The following RIMBP2 variants were observed in gnomAD, a reference collection of about 807,000 sequenced individuals.
RIMBP2 encodes the protein RIMS binding protein 2, also known as RIMS-binding protein 2.
In RIMBP2, 48 loss-of-function variants were observed where a neutral mutation model predicts 118.6. The ratio of observed to expected loss-of-function variants is 0.40; its 90% CI spans 0.32 to 0.51. The LOEUF (loss-of-function observed/expected upper bound fraction) is 0.51. RIMBP2 is among the 20% of genes least tolerant of loss of function. RIMBP2 has a pLI of 0.41. For synonymous variants in RIMBP2, 762 were observed against 742.9 expected, an observed-to-expected ratio of 1.03 and a Z score of -0.42; for missense variants, 1,551 against 1,768.3, an observed-to-expected ratio of 0.88 and a Z score of 2.20.
At chr12:130,408,993 C>T (rs1169704437) in intron 19 of RIMBP2, among the ~76,000 whole-genome samples, 2 of 149,476 alleles carry the variant, frequency 1.3e-5, no homozygotes. Context: ...GTGTCCTCTG[C>T]AGGACCTGCA....
chr12:130,416,526 G>T (rs2076109967), intron 17 of RIMBP2, among the ~76,000 whole-genome samples: 1 of 152,236 alleles, frequency 6.6e-6, no homozygotes, highest in South Asian at 2.1e-4. Context: ...GTCACATGCA[G>T]AAGATTGAAA....
intron 17 of RIMBP2, chr12:130,414,559 G>T: frequency 3.1e-6 from 1 of 317,708 alleles, no homozygotes; most frequent in Non-Finnish European, 5.8e-6. Context: ...GGGCCTCGGG[G>T]GCCTCCTCAG....
rs151215863 is a variant in RIMBP2 at position 130,469,816 on chromosome 12, C to T, written c.153+877G>A. On this transcript the variant is annotated intron_variant, in intron 6 of 22. Transcript: ENST00000690449. This position sits in a 1 kb window ranked among gnomAD's most constrained non-coding sequence, Gnocchi z 4.8. The stretch of plus-strand genomic sequence containing the variant: ...ACTTAAGGGAACATTACCGGGAGGA[C>T]GCCACCCCAGGGCAGATCCCCTCCG... 1.8e-3 allele frequency among the ~76,000 whole-genome samples: 280 copies of T among 152,298 alleles called. 1 individual carries two copies. The highest frequency in any genetic ancestry group is 6.4e-3 in the African/African-American group (265 of 41,546).
At chr12:130,429,964 C>T (rs886338413) in intron 14 of RIMBP2, 5 of 152,244 alleles carry the variant, frequency 3.3e-5, no homozygotes, top group African/African-American at 7.2e-5. Flanking sequence ...ACTGCCTGCA[C>T]CACCGCACAG....
At chr12:130,615,151 ATATATTATATTG>A (rs1423772707) in intron 2 of RIMBP2, among the ~76,000 whole-genome samples, 1 of 146,580 alleles carries the variant, frequency 6.8e-6, no homozygotes, top group Non-Finnish European at 1.5e-5. Context: ...GTATATACAT[ATATATTATATTG>A]TATATTATAT....
intron 1 of RIMBP2, among the ~76,000 whole-genome samples, chr12:130,708,645 C>T (rs1053364150): frequency 6.6e-6 from 1 of 152,050 alleles, no homozygotes; most frequent in African/African-American, 2.4e-5. Flanking sequence ...GGGATTATGC[C>T]ACTGCACTCC....
chr12:130,673,275 G>T (rs2064284523), intron 1 of RIMBP2, among the ~76,000 whole-genome samples: 1 of 152,218 alleles, frequency 6.6e-6, no homozygotes, highest in South Asian at 2.1e-4. Context: ...CCTCATCCTG[G>T]ATCTGGGACT....
intron 1 of RIMBP2, among the ~76,000 whole-genome samples, chr12:130,659,496 G>A (rs969298848): frequency 3.3e-5 from 5 of 151,788 alleles, no homozygotes; most frequent in African/African-American, 1.2e-4. Flanking sequence ...GTGAACCCGG[G>A]AGGCGTATGT....
chr12:130,423,730 GA>G (rs749515260), intron 16 of RIMBP2, among the ~76,000 whole-genome samples: 1 of 101,190 alleles, frequency 9.9e-6, no homozygotes, highest in Non-Finnish European at 2.0e-5. Flanking sequence ...AGAAAGCAAT[GA>G]AAAAAACTCC....
chr12:130,496,129 A>G (rs2049131611), intron 4 of RIMBP2, among the ~76,000 whole-genome samples: 1 of 152,202 alleles, frequency 6.6e-6, no homozygotes. Context: ...CATCTTGAAT[A>G]GTAACTCCAG....
intron 2 of RIMBP2, among the ~76,000 whole-genome samples, chr12:130,532,691 G>A (rs1440817769): frequency 1.2e-3 from 145 of 116,802 alleles, no homozygotes; most frequent in Admixed American, 2.3e-3. Context: ...TGAGATGCGT[G>A]TGTTCAGCCT....
chr12:130,565,400 T>C (rs1254826885), intron 2 of RIMBP2, among the ~76,000 whole-genome samples: 1 of 152,220 alleles, frequency 6.6e-6, no homozygotes, highest in South Asian at 2.1e-4. Flanking sequence ...TATCATATCA[T>C]TGTCAGCTGT....
intron 1 of RIMBP2, among the ~76,000 whole-genome samples, chr12:130,686,698 C>T (rs909152902): frequency 6.6e-6 from 1 of 152,212 alleles, no homozygotes; most frequent in Non-Finnish European, 1.5e-5. Flanking sequence ...TCCGCACCAG[C>T]AGGAGCGAGG....
intron 1 of RIMBP2, among the ~76,000 whole-genome samples, chr12:130,641,370 C>G (rs1422939286): frequency 6.9e-6 from 1 of 144,562 alleles, no homozygotes; most frequent in East Asian, 2.1e-4. Context: ...GGCCCGGCTT[C>G]ACGGGCTGGA....
At chr12:130,485,479 G>A (rs2082395713) in intron 4 of RIMBP2, among the ~76,000 whole-genome samples, 2 of 152,246 alleles carry the variant, frequency 1.3e-5, no homozygotes, top group African/African-American at 4.8e-5. Context: ...GCACTACGGG[G>A]GCCAGGGCAG....
At chr12:130,436,163 G>A (rs539960328) in intron 13 of RIMBP2, among the ~76,000 whole-genome samples, 7 of 152,196 alleles carry the variant, frequency 4.6e-5, no homozygotes, top group Non-Finnish European at 2.9e-5. Flanking sequence ...GCCCTGCACG[G>A]GGGGCATTGC....
In RIMBP2 at chr12:130,434,856, C is replaced by A; in HGVS notation, c.2131G>T (p.Glu711Ter). The A allele has an allele frequency of 1.2e-6, 2 of 1,609,770 alleles. No individual in the cohort carries two copies. Among genetic ancestry groups the A allele is most frequent in the Non-Finnish European group, 1.7e-6 (2 of 1,178,008 alleles). ...SRLEKRSVFL[E>*]RSSAGQYAAS... ...GCGTACTGCCCCGCGCTGCTTCTCT[C>A]TAGGAAGACGCTCCTTTTCTCTAAC... The change falls in exon 14 of 23, where the codon GAG becomes TAG. Residue 711 changes from glutamate to a stop codon, truncating the protein, a stop_gained. Transcript: ENST00000690449. LOFTEE classifies it high-confidence loss of function. This position sits in a 1 kb window ranked among gnomAD's most constrained non-coding sequence, Gnocchi z 5.7.
chr12:130,610,414 T>C (rs1014997270), intron 2 of RIMBP2, among the ~76,000 whole-genome samples: 2 of 152,206 alleles, frequency 1.3e-5, no homozygotes, highest in African/African-American at 4.8e-5. Context: ...TCTCCATGCT[T>C]GTATAATACT....
rs888950688 is a variant in RIMBP2 at position 130,420,873 on chromosome 12, G to A, written c.3238+1580C>T. ...CAGTTCTCAGTCCTAGGAGACTGGA[G>A]TAGAAGACCTACCATGCCTCTTCCA... On this transcript the variant is annotated intron_variant, in intron 17 of 22. Transcript: ENST00000690449. The surrounding 1 kb of genome is among the most constrained non-coding windows in gnomAD (Gnocchi z 4.3). 6.6e-6 allele frequency: 1 copy of A among 152,174 alleles called. No individual in the cohort carries two copies. Among genetic ancestry groups the A allele is most frequent in the African/African-American group, 2.4e-5 (1 of 41,446 alleles). 9.4% of individuals were successfully genotyped at this position (152,174 alleles called of 1,614,324 possible).
Sources: gnomAD v4.1 joint callset for allele counts (sites outside exome capture counted in the v4.1 genomes callset) on GRCh38, gnomAD v4.1.1 for gene constraint, Gnocchi (gnomAD v3.1) non-coding constraint, MANE v1.5 for transcripts, NCBI Gene and HGNC (gene_info 2026-07-23, HGNC 2026-07-21) for gene names.